The following ELF1 variants were observed in gnomAD, a reference collection of about 807,000 sequenced individuals.
ELF1 encodes the protein ETS-related transcription factor Elf-1.
In ELF1, 24 loss-of-function variants were observed where a neutral mutation model predicts 59.9. The observed-to-expected ratio is 0.40, with a 90% confidence interval of 0.29 to 0.56. The LOEUF is 0.56. ELF1 is among the 20% of genes least tolerant of loss of function. The probability of loss-of-function intolerance (pLI) is 0.44; values close to 1 mark genes in which losing one functional copy is unlikely to be tolerated. For missense variants in ELF1, 627 were observed against 742.2 expected (o/e 0.84, Z 1.80); for synonymous variants, 248 against 266.2 (o/e 0.93, Z 0.67).
rs1371187870 is a variant in ELF1, at chr13:40,941,310, A to G, written c.867T>C (p.Phe289=). ...KVEGQRLVYQ[F]KEMPKDLIYI... is the part of the protein sequence containing the mutation. ...ATATAAGATCTTTTGGCATTTCTTT[A>G]AACTGATACACCAAGCGCTGACCTT... The change falls in exon 8 of 9, where the codon TTT becomes TTC. Residue 289 remains phenylalanine, a synonymous_variant. Transcript: ENST00000239882. 2 of 1,613,854 alleles carry G rather than the reference A, an allele frequency of 1.2e-6. No homozygotes were observed. The highest frequency in any genetic ancestry group is 1.7e-6 in the Non-Finnish European group (2 of 1,179,990).
chr13:41,009,801 C>T (rs1488769851), intron 1 of ELF1, among the ~76,000 whole-genome samples: 1 of 151,888 alleles, frequency 6.6e-6, no homozygotes, highest in Non-Finnish European at 1.5e-5. Flanking sequence ...GTTTAGAAAG[C>T]TTGCATTTTT....
At chr13:41,051,175 G>T (rs1424902597) in intron 1 of ELF1, among the ~76,000 whole-genome samples, 3 of 151,950 alleles carry the variant, frequency 2.0e-5, no homozygotes, top group Non-Finnish European at 4.4e-5. Context: ...CACTTTAAGG[G>T]ACAGTAATAT....
At chr13:40,956,423 C>T (rs1416401185) in intron 3 of ELF1, among the ~76,000 whole-genome samples, 2 of 152,046 alleles carry the variant, frequency 1.3e-5, no homozygotes, top group Non-Finnish European at 2.9e-5. Flanking sequence ...TACCCAGGGA[C>T]ACAAACACTG....
chr13:41,045,513 G>C (rs1186093756), intron 1 of ELF1, among the ~76,000 whole-genome samples: 1 of 152,172 alleles, frequency 6.6e-6, no homozygotes, highest in African/African-American at 2.4e-5. Context: ...TGGTTTCAAA[G>C]AACATGTTTA....
At chr13:41,044,950 T>C (rs1353206385) in intron 1 of ELF1, among the ~76,000 whole-genome samples, 1 of 152,180 alleles carries the variant, frequency 6.6e-6, no homozygotes, top group East Asian at 1.9e-4. Context: ...GGTAGGCTAT[T>C]AATTATTTCC....
chr13:40,950,066 G>T (rs1026318325), intron 4 of ELF1, 93 bp from the exon 5 acceptor site: 1 of 1,120,762 alleles, frequency 8.9e-7, no homozygotes, highest in Non-Finnish European at 1.2e-6. Context: ...ATGACTAGAA[G>T]ATTAAAGTAG....
chr13:40,964,196 C>T lies in ELF1; in HGVS notation c.73-5180G>A, dbSNP rs887830723. Among the ~76,000 whole-genome samples, 6 of 152,186 alleles carry T rather than the reference C, an allele frequency of 3.9e-5. No homozygotes were observed. In the East Asian group the frequency reaches 7.7e-4, roughly 20 times the overall value. On this transcript the variant is annotated intron_variant, in intron 2 of 8. Transcript: ENST00000239882. ...CAATTCCTTCTAGAGAACTGCTTCC[C>T]TACCTTTTAAAGAAATAGTAAAATT...
At chr13:40,941,862 T>C (rs9532678) in intron 7 of ELF1, among the ~76,000 whole-genome samples, 79,790 of 151,876 alleles carry the variant, frequency 0.53, 24,616 homozygotes, top group Non-Finnish European at 0.68. Flanking sequence ...TTTTGCCATG[T>C]TGCCCAGGCT....
At chr13:40,992,955 T>C (rs1388761445) in intron 1 of ELF1, 3 of 870,338 alleles carry the variant, frequency 3.4e-6, no homozygotes, top group African/African-American at 3.4e-5. Context: ...TTTGATTACT[T>C]TTTTGTTCTG....
chr13:41,021,854 A>G (rs1875703655), upstream of ELF1, among the ~76,000 whole-genome samples: 1 of 152,214 alleles, frequency 6.6e-6, no homozygotes, highest in African/African-American at 2.4e-5. Flanking sequence ...CTCAATAGGG[A>G]AATGCAAATT....
chr13:41,009,718 G>A (rs1177625558), intron 1 of ELF1, among the ~76,000 whole-genome samples: 1 of 151,970 alleles, frequency 6.6e-6, no homozygotes, highest in Non-Finnish European at 1.5e-5. Context: ...GTAAATAAAT[G>A]GTAAAGGTGA....
chr13:40,958,981 C>A lies in ELF1; in HGVS notation c.108G>T (p.Val36=). 6.2e-7 allele frequency: 1 copy of A among 1,612,216 alleles called. No individual in the cohort carries two copies. Among genetic ancestry groups the A allele is most frequent in the Non-Finnish European group, 8.5e-7 (1 of 1,179,160 alleles). Residue 36 remains valine (V), a synonymous_variant, in exon 3 of 9, where the codon GTG becomes GTT. Transcript: ENST00000239882. ...GDPAIFPAVI[V]EHVPGADILN... ...GAATATCAGCACCAGGAACATGTTC[C>A]ACAATTACGGCAGGAAAAATAGCTG...
At chr13:40,966,502 A>G (rs2138219434) in intron 2 of ELF1, among the ~76,000 whole-genome samples, 1 of 152,330 alleles carries the variant, frequency 6.6e-6, no homozygotes, top group East Asian at 1.9e-4. Context: ...CGTATGTGGC[A>G]ATACCATCAA....
At chr13:40,975,322 C>A (rs1327603267) in intron 2 of ELF1, among the ~76,000 whole-genome samples, 1 of 152,074 alleles carries the variant, frequency 6.6e-6, no homozygotes, top group Non-Finnish European at 1.5e-5. Flanking sequence ...TATCCTCTTA[C>A]ATACAGGAAA....
intron 1 of ELF1, among the ~76,000 whole-genome samples, chr13:41,055,023 G>A (rs1877234245): frequency 6.6e-6 from 1 of 152,116 alleles, no homozygotes; most frequent in Non-Finnish European, 1.5e-5. Flanking sequence ...TCATTCAAAT[G>A]TTTTCTGAAT....
intron 4 of ELF1, 31 bp downstream of exon 4, chr13:40,951,298 T>C: frequency 3.3e-6 from 5 of 1,528,414 alleles, no homozygotes; most frequent in South Asian, 1.2e-5. Context: ...CTTAACAAAG[T>C]ACATAAACAT....
At chr13:41,031,479 T>A (rs1371505461) in intron 1 of ELF1, among the ~76,000 whole-genome samples, 2 of 152,132 alleles carry the variant, frequency 1.3e-5, no homozygotes, top group Non-Finnish European at 2.9e-5. Context: ...CTCAGAATAG[T>A]ATCTACAGAA....
At position 41,034,762 on chromosome 13, in the gene ELF1, C is replaced by T. The variant is rs1222858030; in HGVS notation, c.-229+26076G>A. The stretch of plus-strand genomic sequence containing the variant: ...GAATAATTTATTTTTAAAGGAATGT[C>T]TCAAATTCTACCCCTTAATATTCCT... On this transcript the variant is annotated intron_variant, in intron 1 of 1. Transcript: ENST00000405737. Among the ~76,000 whole-genome samples the T allele has an allele frequency of 2.1e-5, 3 of 145,750 alleles. No individual in the cohort carries two copies. The Admixed American group carries it at 2.1e-4, about 10-fold the overall frequency.
chr13:40,969,567 T>C lies in ELF1; in HGVS notation c.73-10551A>G, dbSNP rs141272000. ...GAGACAATAAGTGTTCATTAATTAT[T>C]AAACAGCACATAAATTTTTAGATTA... On this transcript the variant is annotated intron_variant, in intron 2 of 8. Transcript: ENST00000239882. 5.4e-3 allele frequency among the ~76,000 whole-genome samples: 820 copies of C among 152,366 alleles called. 10 individuals carry two copies. Among genetic ancestry groups the C allele is most frequent in the African/African-American group, 0.019 (789 of 41,588 alleles).
Sources: gnomAD v4.1 joint callset for allele counts (sites outside exome capture counted in the v4.1 genomes callset) on GRCh38, gnomAD v4.1.1 for gene constraint, MANE v1.5 for transcripts, NCBI Gene and HGNC (gene_info 2026-07-23, HGNC 2026-07-21) for gene names.